The following TAF3 variants were observed in gnomAD, a reference collection of about 807,000 sequenced individuals.
TAF3 encodes TATA-box binding protein associated factor 3, also known as transcription initiation factor TFIID subunit 3.
TAF3 carries 7 observed loss-of-function variants against 80.6 expected under a neutral mutation model. The observed-to-expected ratio is 0.09, with a 90% CI of 0.05 to 0.16. TAF3 has a LOEUF of 0.16. Among genes scored for constraint, TAF3 ranks in the 10% least tolerant of loss-of-function variants. TAF3 has a pLI of 1.00. For synonymous variants in TAF3, 444 were observed against 446.1 expected, an observed-to-expected ratio of 1.00 and a Z score of 0.06; for missense variants, 921 against 1,140.2, an observed-to-expected ratio of 0.81 and a Z score of 2.77.
chr10:7,827,459 C>T (rs181904682), intron 2 of TAF3, among the ~76,000 whole-genome samples: 1 of 152,104 alleles, frequency 6.6e-6, no homozygotes, highest in African/African-American at 2.4e-5. Context: ...CCAGCCTGGG[C>T]AACGTCATGA....
At chr10:7,856,570 A>G (rs913389785) in intron 2 of TAF3, among the ~76,000 whole-genome samples, 1 of 152,208 alleles carries the variant, frequency 6.6e-6, no homozygotes, top group Non-Finnish European at 1.5e-5. Flanking sequence ...GAACAACAAA[A>G]GTTCAGAGCA....
At chr10:7,882,842 A>AT (rs1837374604) in intron 2 of TAF3, among the ~76,000 whole-genome samples, 1 of 152,198 alleles carries the variant, frequency 6.6e-6, no homozygotes, top group Non-Finnish European at 1.5e-5. Flanking sequence ...AGCACAAAGA[A>AT]TTCCTAAGTA....
Position 7,954,178 on chromosome 10 carries a change from C to T in TAF3, c.410-9742C>T, listed in dbSNP as rs370795997. ...TCTCCATAGTGAGATTCAGAGTGCA[C>T]TCCATATATGAATGAGTGGATTAGT... is the stretch of plus-strand genomic sequence containing the variant. On this transcript the variant is annotated intron_variant, in intron 2 of 6. Coordinates refer to ENST00000344293, the MANE Select transcript of TAF3 (RefSeq NM_031923.4). Among the ~76,000 whole-genome samples, 5 of 138,656 alleles carry T rather than the reference C, an allele frequency of 3.6e-5. 1 individual carries two copies. Among genetic ancestry groups the T allele is most frequent in the African/African-American group, 7.8e-5 (3 of 38,466 alleles). The allele number at this position is 138,656 out of a possible 152,430, so 91.0% of individuals were successfully genotyped here. A position where few individuals can be genotyped will look rare whatever the true frequency, so the allele number is the denominator to read the frequency against.
At chr10:8,010,377 A>G (rs1247989480) in intron 5 of TAF3, among the ~76,000 whole-genome samples, 1 of 152,250 alleles carries the variant, frequency 6.6e-6, no homozygotes, top group African/African-American at 2.4e-5. Flanking sequence ...CTGTAAATGT[A>G]GAGACGCATG....
chr10:7,855,779 T>A (rs1837072791), intron 2 of TAF3, among the ~76,000 whole-genome samples: 1 of 151,984 alleles, frequency 6.6e-6, no homozygotes, highest in Non-Finnish European at 1.5e-5. Context: ...GCAAGAGGAA[T>A]TAATTTGAAA....
At chr10:7,904,917 C>G (rs1311001164) in intron 2 of TAF3, among the ~76,000 whole-genome samples, 2 of 152,046 alleles carry the variant, frequency 1.3e-5, no homozygotes, top group Non-Finnish European at 2.9e-5. Flanking sequence ...CCTCCACCAC[C>G]CGCTCCTCCT....
intron 2 of TAF3, among the ~76,000 whole-genome samples, chr10:7,853,225 C>T (rs906085310): frequency 6.6e-6 from 1 of 152,074 alleles, no homozygotes; most frequent in African/African-American, 2.4e-5. Flanking sequence ...GCTCAAACTC[C>T]ATCACTTTCT....
chr10:7,866,301 G>A (rs1420943626), intron 2 of TAF3, among the ~76,000 whole-genome samples: 2 of 152,172 alleles, frequency 1.3e-5, no homozygotes, highest in Non-Finnish European at 2.9e-5. Context: ...ATTCTCATGT[G>A]GGCTAATCAT....
rs80272151 is a variant in TAF3 at position 7,999,398 on chromosome 10, C to T, written c.2316-9680C>T. Among the ~76,000 whole-genome samples the T allele has an allele frequency of 2.9e-3, 428 of 147,240 alleles. 1 individual carries two copies. The highest frequency in any genetic ancestry group is 0.01 in the African/African-American group (413 of 39,720). Reference sequence around the variant, plus strand: ...TTTGAAAAGGCAAGACCCAAAACTACGTACCAACCTTAATGTCTAAAGGCT... The same window carrying T: ...TTTGAAAAGGCAAGACCCAAAACTATGTACCAACCTTAATGTCTAAAGGCT... On this transcript the variant is annotated intron_variant, in intron 4 of 6. Coordinates refer to ENST00000344293, the MANE Select transcript of TAF3 (RefSeq NM_031923.4).
chr10:7,837,454 C>T (rs1462712487), intron 2 of TAF3, among the ~76,000 whole-genome samples: 1 of 151,814 alleles, frequency 6.6e-6, no homozygotes, highest in Non-Finnish European at 1.5e-5. Flanking sequence ...ACCAGCTTGG[C>T]CAGCATGGCG....
At chr10:7,926,030 G>A (rs1424631882) in intron 2 of TAF3, among the ~76,000 whole-genome samples, 2 of 152,032 alleles carry the variant, frequency 1.3e-5, no homozygotes, top group African/African-American at 4.8e-5. Context: ...GAGCAGCTTG[G>A]GCAACTGCCT....
intron 2 of TAF3, among the ~76,000 whole-genome samples, chr10:7,853,668 G>C (rs190644912): frequency 3.9e-5 from 6 of 152,316 alleles, no homozygotes; most frequent in Admixed American, 1.3e-4. Flanking sequence ...CTGGCCTGCA[G>C]CCTGATTCTG....
intron 4 of TAF3, among the ~76,000 whole-genome samples, chr10:7,993,552 G>A (rs932327048): frequency 2.0e-5 from 3 of 152,132 alleles, no homozygotes; most frequent in Admixed American, 6.6e-5. Context: ...TCACTTTCTG[G>A]ATTTGTCTGT....
intron 2 of TAF3, among the ~76,000 whole-genome samples, chr10:7,921,664 G>C (rs1837763794): frequency 6.6e-6 from 1 of 152,118 alleles, no homozygotes; most frequent in Non-Finnish European, 1.5e-5. Flanking sequence ...CACCACCAAA[G>C]TTTGAAAATG....
intron 2 of TAF3, among the ~76,000 whole-genome samples, chr10:7,888,135 T>C (rs1837426383): frequency 6.6e-6 from 1 of 152,032 alleles, no homozygotes; most frequent in Admixed American, 6.5e-5. Context: ...CTCAGATCTC[T>C]CCCATATGAA....
chr10:7,968,791 C>G (rs1831596365), intron 3 of TAF3, among the ~76,000 whole-genome samples: 1 of 152,156 alleles, frequency 6.6e-6, no homozygotes, highest in African/African-American at 2.4e-5. Flanking sequence ...ATGGTCCTCA[C>G]TACCACACTT....
chr10:7,985,321 C>T (rs1247188568), intron 4 of TAF3, among the ~76,000 whole-genome samples: 13 of 152,276 alleles, frequency 8.5e-5, no homozygotes, highest in Non-Finnish European at 1.2e-4. Flanking sequence ...CAGCTGCTGG[C>T]CTCCATTCCT....
chr10:7,954,258 A>G (rs1018532131), intron 2 of TAF3, among the ~76,000 whole-genome samples: 1 of 140,366 alleles, frequency 7.1e-6, no homozygotes, highest in Non-Finnish European at 1.6e-5. Flanking sequence ...CCATAGGTGA[A>G]TGAGTGGATT....
intron 2 of TAF3, among the ~76,000 whole-genome samples, chr10:7,914,442 T>C (rs1423524923): frequency 1.3e-5 from 2 of 152,230 alleles, no homozygotes. Flanking sequence ...GAGTATTTTG[T>C]TTATTTATTG....
Sources: allele counts gnomAD v4.1 joint callset (sites outside exome capture counted in the v4.1 genomes callset), GRCh38; gene constraint gnomAD v4.1.1; transcripts MANE v1.5; gene names NCBI Gene and HGNC (gene_info 2026-07-23, HGNC 2026-07-21).